The following IGSF11 variants were observed in gnomAD, a reference collection of about 807,000 sequenced individuals.
IGSF11 encodes immunoglobulin superfamily member 11, also known as CXADR like 1.
Under a neutral mutation model 41.0 loss-of-function variants are expected in IGSF11, and 22 were observed. The observed-to-expected ratio is 0.54, with a 90% confidence interval of 0.38 to 0.77. IGSF11 has a LOEUF of 0.77. Among genes scored for constraint, IGSF11 ranks in the 30% least tolerant of loss-of-function variants. The pLI is 0.00. For missense variants in IGSF11, 444 were observed against 530.8 expected (o/e 0.84, Z 1.61); for synonymous variants, 219 against 201.3 (o/e 1.09, Z -0.74).
At chr3:118,935,221 A>G (rs9821458) in intron 1 of IGSF11, among the ~76,000 whole-genome samples, 11,170 of 146,894 alleles carry the variant, frequency 0.076, 618 homozygotes, top group Admixed American at 0.16. Context: ...CACATGAAAT[A>G]TCAGGGTGTA....
At chr3:119,076,155 T>C (rs188444824) in intron 1 of IGSF11, among the ~76,000 whole-genome samples, 3 of 152,208 alleles carry the variant, frequency 2.0e-5, no homozygotes, top group East Asian at 3.9e-4. Context: ...AAACAAGAAA[T>C]GGGGAAAGGA....
chr3:119,107,227 CT>C, upstream of IGSF11, among the ~76,000 whole-genome samples: 1 of 152,210 alleles, frequency 6.6e-6, no homozygotes, highest in Non-Finnish European at 1.5e-5. Flanking sequence ...GTTCCTATTT[CT>C]CCACATCCTC....
chr3:119,069,334 A>G (rs765740393), intron 1 of IGSF11, among the ~76,000 whole-genome samples: 3 of 152,258 alleles, frequency 2.0e-5, no homozygotes, highest in African/African-American at 7.2e-5. Context: ...TGAGTGAAAT[A>G]TATTGCCATG....
intron 1 of IGSF11, among the ~76,000 whole-genome samples, chr3:118,952,221 T>C (rs1048614106): frequency 6.6e-6 from 1 of 152,190 alleles, no homozygotes; most frequent in Admixed American, 6.5e-5. Flanking sequence ...ATAGAAGGTC[T>C]TGCCTCAATG....
chr3:119,089,310 G>A (rs1274759891), intron 1 of IGSF11, among the ~76,000 whole-genome samples: 1 of 152,012 alleles, frequency 6.6e-6, no homozygotes, highest in Non-Finnish European at 1.5e-5. Context: ...CACATAAACA[G>A]GATCAAAAAC....
chr3:119,071,146 C>T (rs547197892), intron 1 of IGSF11, among the ~76,000 whole-genome samples: 1 of 152,106 alleles, frequency 6.6e-6, no homozygotes, highest in Non-Finnish European at 1.5e-5. Flanking sequence ...TATGAAACAA[C>T]TGGAAAACAT....
chr3:118,975,989 G>A (rs1197004681), intron 1 of IGSF11, among the ~76,000 whole-genome samples: 2 of 151,968 alleles, frequency 1.3e-5, no homozygotes, highest in African/African-American at 2.4e-5. Flanking sequence ...ATTTAACAAA[G>A]TTGCACAGGT....
chr3:119,106,809 T>A (rs939052409), upstream of IGSF11, among the ~76,000 whole-genome samples: 1 of 150,634 alleles, frequency 6.6e-6, no homozygotes, highest in Non-Finnish European at 1.5e-5. Context: ...CATTGTTCAA[T>A]TCCCACCTAT....
At chr3:119,058,930 C>T (rs1941955804) in intron 1 of IGSF11, among the ~76,000 whole-genome samples, 1 of 151,084 alleles carries the variant, frequency 6.6e-6, no homozygotes, top group African/African-American at 2.4e-5. Context: ...ACAATGAGAA[C>T]ACATGGACAC....
chr3:118,912,027 A>T (rs185190344), intron 4 of IGSF11, among the ~76,000 whole-genome samples: 1 of 152,240 alleles, frequency 6.6e-6, no homozygotes, highest in East Asian at 1.9e-4. Context: ...ACAAACCATG[A>T]AAGAAAAACG....
At chr3:118,948,648 C>A (rs187153302) in intron 1 of IGSF11, among the ~76,000 whole-genome samples, 2 of 152,102 alleles carry the variant, frequency 1.3e-5, no homozygotes, top group African/African-American at 2.4e-5. Flanking sequence ...TGGTTCCTCA[C>A]GAGAAAATTG....
chr3:119,104,172 T>A (rs1157024437), intron 1 of IGSF11, among the ~76,000 whole-genome samples: 1 of 152,212 alleles, frequency 6.6e-6, no homozygotes, highest in Non-Finnish European at 1.5e-5. Flanking sequence ...ACAACCAGCA[T>A]GATCTAAAGT....
At position 118,901,941 on chromosome 3, in the gene IGSF11, G is replaced by A. The variant is rs1430577118; in HGVS notation, c.*579C>T. ...AAATATGAAGGGGCTTCTCAAAGACGTTTCCTTTGTCTTCCCCCATTTCTT... is the reference window on the plus strand; with the variant it reads ...AAATATGAAGGGGCTTCTCAAAGACATTTCCTTTGTCTTCCCCCATTTCTT... On this transcript the variant is annotated 3_prime_UTR_variant, in exon 7 of 7. Coordinates refer to ENST00000393775, the MANE Select transcript of IGSF11 (RefSeq NM_001015887.3). The A allele has an allele frequency of 6.6e-6, 1 of 152,110 alleles. No homozygotes were observed. The highest frequency in any genetic ancestry group is 1.5e-5 in the Non-Finnish European group (1 of 68,048). The allele number at this position is 152,110 out of a possible 1,614,324, so 9.4% of individuals were successfully genotyped here. A position where few individuals can be genotyped will look rare whatever the true frequency, so the allele number is the denominator to read the frequency against.
intron 1 of IGSF11, among the ~76,000 whole-genome samples, chr3:118,996,141 G>C (rs1037388976): frequency 3.9e-5 from 6 of 152,212 alleles, no homozygotes; most frequent in Non-Finnish European, 8.8e-5. Flanking sequence ...AATGGACAGG[G>C]ATACTTGGCT....
At chr3:119,112,156 C>T (rs1385334803) in intron 1 of IGSF11, among the ~76,000 whole-genome samples, 1 of 152,210 alleles carries the variant, frequency 6.6e-6, no homozygotes, top group Non-Finnish European at 1.5e-5. Flanking sequence ...ACTGCAGAGG[C>T]TACTGCTGTC....
chr3:118,902,688 G>T lies in IGSF11; in HGVS notation c.1128C>A (p.Ala376=). Reference sequence around the variant, plus strand: ...TCACCTGTGGTGATGACCCTCTGTTGGCTGTCACTACCAGAGTCTTATGTT... The same window carrying T: ...TCACCTGTGGTGATGACCCTCTGTTTGCTGTCACTACCAGAGTCTTATGTT... ...PGQHKTLVVT[A]NRGSSPQVMS... The change falls in exon 7 of 7, where the codon GCC becomes GCA. Residue 376 remains alanine, a synonymous_variant. Coordinates refer to ENST00000393775, the MANE Select transcript of IGSF11 (RefSeq NM_001015887.3). 1 of 1,614,106 alleles carries T rather than the reference G, an allele frequency of 6.2e-7. No individual in the cohort carries two copies. Among genetic ancestry groups the T allele is most frequent in the Non-Finnish European group, 8.5e-7 (1 of 1,180,004 alleles).
At chr3:119,124,234 T>C (rs1158408009) in intron 1 of IGSF11, among the ~76,000 whole-genome samples, 1 of 143,760 alleles carries the variant, frequency 7.0e-6, no homozygotes, top group African/African-American at 2.5e-5. Flanking sequence ...AGCTGAAAAA[T>C]GAAACTGAAA....
Position 119,128,721 on chromosome 3 carries a change from G to A in IGSF11, c.-14+17092C>T, listed in dbSNP as rs529110679. Among the ~76,000 whole-genome samples the A allele has an allele frequency of 9.2e-5, 14 of 152,294 alleles. No homozygotes were observed. The South Asian group carries it at 1.0e-3, about 11-fold the overall frequency. On this transcript the variant is annotated intron_variant, in intron 1 of 7. Coordinates refer to the IGSF11 transcript ENST00000425327. ...CTAACTATTCTGAATATATAGGAGT[G>A]TAAATTAGTTCAACCATTGTGGAAG...
At chr3:118,914,246 G>T (rs868023592) in intron 4 of IGSF11, among the ~76,000 whole-genome samples, 1 of 152,120 alleles carries the variant, frequency 6.6e-6, no homozygotes, top group Non-Finnish European at 1.5e-5. Flanking sequence ...AGAAAATCGG[G>T]GAGGAGCCAA....
Sources: gnomAD v4.1 joint callset for allele counts (sites outside exome capture counted in the v4.1 genomes callset) on GRCh38, gnomAD v4.1.1 for gene constraint, MANE v1.5 for transcripts, NCBI Gene and HGNC (gene_info 2026-07-23, HGNC 2026-07-21) for gene names.